Variants in MPRIP observed in about 807,000 individuals in gnomAD.
MPRIP encodes myosin phosphatase Rho interacting protein.
MPRIP carries 59 observed loss-of-function variants against 234.9 expected under a neutral mutation model. The ratio of observed to expected loss-of-function variants is 0.25; its 90% confidence interval spans 0.20 to 0.31. The LOEUF (loss-of-function observed/expected upper bound fraction) is 0.31, where lower values mean the gene tolerates loss of function less well. MPRIP is among the 10% of genes least tolerant of loss of function. The probability of loss-of-function intolerance (pLI) is 1.00; values close to 1 mark genes in which losing one functional copy is unlikely to be tolerated. For missense variants in MPRIP, 2,436 were observed against 3,071.0 expected, an observed-to-expected ratio of 0.79 and a Z score of 4.89; for synonymous variants, 1,144 against 1,263.9, an observed-to-expected ratio of 0.91 and a Z score of 2.01.
At chr17:17,144,206 C>G (rs1343447964) in intron 9 of MPRIP, among the ~76,000 whole-genome samples, 1 of 152,250 alleles carries the variant, frequency 6.6e-6, no homozygotes, top group Non-Finnish European at 1.5e-5. Context: ...GCTCTGTCTT[C>G]AGCCTCCAGG....
At chr17:17,142,547 CG>C in intron 7 of MPRIP, 79 bp from the exon 8 acceptor site, 3 of 1,530,768 alleles carry the variant, frequency 2.0e-6, no homozygotes, top group Non-Finnish European at 2.7e-6. Context: ...CGGGCCAGGC[CG>C]GGCATGGGAG....
At chr17:17,092,062 A>G (rs2089731998) in intron 3 of MPRIP, among the ~76,000 whole-genome samples, 1 of 152,094 alleles carries the variant, frequency 6.6e-6, no homozygotes, top group Admixed American at 6.5e-5. Flanking sequence ...TGTGGGAACA[A>G]CCCCTTAACT....
rs1049197226 is a variant in MPRIP at position 17,165,517 on chromosome 17, A to G, written c.3926A>G (p.Lys1309Arg). Residue 1309 changes from lysine (K) to arginine (R), a missense_variant, in exon 16 of 24, where the codon AAA (lysine) becomes AGA (arginine). Coordinates refer to ENST00000651222, the MANE Select transcript of MPRIP (RefSeq NM_001364716.4). ...DREGHQQGTAKLDQGAPGVKR... is the reference protein window; with the variant it reads ...DREGHQQGTARLDQGAPGVKR... Reference sequence around the variant, plus strand: ...GAGGGCCATCAGCAGGGCACAGCCAAACTCGACCAAGGGGCACCTGGTGTT... The same window carrying G: ...GAGGGCCATCAGCAGGGCACAGCCAGACTCGACCAAGGGGCACCTGGTGTT... 2.3e-6 allele frequency: 3 copies of G among 1,304,428 alleles called. No homozygotes were observed. The highest frequency in any genetic ancestry group is 3.0e-6 in the Non-Finnish European group (3 of 988,994). 80.8% of individuals were successfully genotyped at this position (1,304,428 alleles called of 1,614,324 possible).
chr17:17,185,595 C>CCCTT lies in MPRIP; in HGVS notation c.*702_*703insCTTC, dbSNP rs2046460567. ...CCTCTCCTTCCTTCCTTCCTTCCTT[C>CCCTT]CTCCGCTCGTTCCTTTCTTGGTCTC... On this transcript the variant is annotated 3_prime_UTR_variant, in exon 24 of 24. Transcript: ENST00000651222. 3 of 456,422 alleles carry CCCTT rather than the reference C, an allele frequency of 6.6e-6. No individual in the cohort carries two copies. The highest frequency in any genetic ancestry group is 1.3e-5 in the Non-Finnish European group (3 of 226,942). The allele number at this position is 456,422 out of a possible 1,614,324, so 28.3% of individuals were successfully genotyped here.
chr17:17,101,576 A>AG (rs2089961695), intron 3 of MPRIP, among the ~76,000 whole-genome samples: 2 of 150,636 alleles, frequency 1.3e-5, no homozygotes, highest in African/African-American at 4.9e-5. Flanking sequence ...ATCTCAAAAA[A>AG]AATTTTTTTT....
intron 1 of MPRIP, among the ~76,000 whole-genome samples, chr17:17,058,926 G>A (rs1218330476): frequency 6.6e-6 from 1 of 152,146 alleles, no homozygotes; most frequent in Non-Finnish European, 1.5e-5. Context: ...ACGTGCTAGG[G>A]GAGTGGGTGG....
intron 1 of MPRIP, among the ~76,000 whole-genome samples, chr17:17,052,480 C>T (rs867460030): frequency 9.2e-5 from 14 of 152,120 alleles, no homozygotes; most frequent in Admixed American, 2.6e-4. Context: ...CAGATGGAGC[C>T]GCCGAGACCT....
chr17:17,087,661 G>A (rs1331665227), intron 3 of MPRIP, among the ~76,000 whole-genome samples: 1 of 152,214 alleles, frequency 6.6e-6, no homozygotes, highest in Non-Finnish European at 1.5e-5. Flanking sequence ...TAACTTCCAC[G>A]AGGATCTCCC....
chr17:17,167,975 G>A lies in MPRIP; in HGVS notation c.6324+60G>A. 8.2e-7 allele frequency: 1 copy of A among 1,225,376 alleles called. No homozygotes were observed. Among genetic ancestry groups the A allele is most frequent in the South Asian group, 1.4e-5 (1 of 72,744 alleles). 75.9% of individuals were successfully genotyped at this position (1,225,376 alleles called of 1,614,324 possible). On this transcript the variant is annotated intron_variant, in intron 16 of 23. Transcript: ENST00000651222. This position sits in a 1 kb window ranked among gnomAD's most constrained non-coding sequence, Gnocchi z 5.9. ...TTCCTTGATAATGGGGTGGGTGTGG[G>A]GACGTCTGGCTCAGCTACCGTGCAG...
Position 17,136,257 on chromosome 17 carries a change from C to T in MPRIP, c.543C>T (p.Ser181=), listed in dbSNP as rs758181851. 1.3e-5 allele frequency: 20 copies of T among 1,599,192 alleles called. No individual in the cohort carries two copies. Among genetic ancestry groups the T allele is most frequent in the Non-Finnish European group, 1.6e-5 (19 of 1,170,426 alleles). The change falls in exon 6 of 24, where the codon AGC becomes AGT. Residue 181 remains serine, a synonymous_variant. Coordinates refer to ENST00000651222, the MANE Select transcript of MPRIP (RefSeq NM_001364716.4). ...GPAKVAVTSS[S]SSSSSSSSIP... is the part of the protein sequence containing the mutation. ...CCAAGGTGGCTGTTACCAGCAGCAG[C>T]AGCAGCAGCAGCAGCAGCAGCAGCA...
chr17:17,059,046 T>C (rs1485208582), intron 1 of MPRIP, among the ~76,000 whole-genome samples: 1 of 152,230 alleles, frequency 6.6e-6, no homozygotes, highest in African/African-American at 2.4e-5. Flanking sequence ...TGGTATTTCT[T>C]GTATTAGAAG....
At chr17:17,045,807 G>GTTT (rs528782550) in intron 1 of MPRIP, among the ~76,000 whole-genome samples, 50 of 139,984 alleles carry the variant, frequency 3.6e-4, no homozygotes, top group African/African-American at 1.1e-3. Flanking sequence ...CAAATATACA[G>GTTT]TTTTTTTTTT....
At chr17:17,142,151 GT>G (rs2045340498) in intron 7 of MPRIP, 1 of 159,096 alleles carries the variant, frequency 6.3e-6, no homozygotes, top group Non-Finnish European at 1.4e-5. Flanking sequence ...AGCCTGCTTT[GT>G]TTTTGTTTTA....
chr17:17,142,370 G>C, intron 7 of MPRIP: 1 of 422,858 alleles, frequency 2.4e-6, no homozygotes, highest in Non-Finnish European at 4.3e-6. Context: ...ATGCCGAGTG[G>C]GTCAGCACCA....
At chr17:17,134,902 G>A (rs182050982) in intron 5 of MPRIP, among the ~76,000 whole-genome samples, 141 of 152,340 alleles carry the variant, frequency 9.3e-4, no homozygotes, top group African/African-American at 3.1e-3. Context: ...GCAAGTGTGC[G>A]CACATACATG....
rs975392469 is a variant in MPRIP, at chr17:17,175,566, G to A, written c.6870+154G>A. The stretch of plus-strand genomic sequence containing the variant: ...AGGAAGATCCAAATCACCCGAAGGC[G>A]GCGAGGAGCAGTGAGCTGCCAGGTG... On this transcript the variant is annotated intron_variant, in intron 20 of 23. Coordinates refer to ENST00000651222, the MANE Select transcript of MPRIP (RefSeq NM_001364716.4). Among the ~76,000 whole-genome samples, 7 of 152,222 alleles carry A rather than the reference G, an allele frequency of 4.6e-5. No homozygotes were observed. The South Asian group carries it at 6.2e-4, about 14-fold the overall frequency.
chr17:17,080,100 G>A (rs1369503912), intron 3 of MPRIP, among the ~76,000 whole-genome samples: 2 of 152,252 alleles, frequency 1.3e-5, no homozygotes, highest in African/African-American at 2.4e-5. Context: ...CTGCTTTCTG[G>A]CAGATGACCT....
chr17:17,115,729 G>A (rs1031787571), intron 3 of MPRIP, among the ~76,000 whole-genome samples: 5 of 152,068 alleles, frequency 3.3e-5, no homozygotes, highest in African/African-American at 1.2e-4. Flanking sequence ...TGTCCTGGAC[G>A]CTTGATGTAA....
chr17:17,059,995 C>T (rs561020965), intron 1 of MPRIP, among the ~76,000 whole-genome samples: 1 of 152,324 alleles, frequency 6.6e-6, no homozygotes, highest in Admixed American at 6.5e-5. Flanking sequence ...CTTATTGGCC[C>T]AGCTTTTCCT....
Sources: allele counts gnomAD v4.1 joint callset (sites outside exome capture counted in the v4.1 genomes callset), GRCh38; gene constraint gnomAD v4.1.1; non-coding constraint Gnocchi (gnomAD v3.1); transcripts MANE v1.5; gene names NCBI Gene and HGNC (gene_info 2026-07-23, HGNC 2026-07-21).